DYNC1I2: variants seen among roughly 807,000 people sequenced by gnomAD.
DYNC1I2 encodes the protein dynein cytoplasmic 1 intermediate chain 2.
DYNC1I2 carries 53 observed loss-of-function variants against 88.6 expected under a neutral mutation model. That is an observed-to-expected ratio of 0.60 (90% CI 0.48 to 0.75). DYNC1I2 has a LOEUF of 0.75. Ranked by LOEUF, DYNC1I2 falls within the 30% of genes least tolerant of loss-of-function variation. The pLI, the probability that DYNC1I2 is intolerant of heterozygous loss-of-function variation, is 0.00. For synonymous variants in DYNC1I2, 198 were observed against 254.6 expected, an observed-to-expected ratio of 0.78 and a Z score of 2.12; for missense variants, 458 against 766.6, an observed-to-expected ratio of 0.60 and a Z score of 4.75.
At chr2:171,692,946 G>C (rs1685501984) in intron 3 of DYNC1I2, 52 bp downstream of exon 3, 1 of 1,296,524 alleles carries the variant, frequency 7.7e-7, no homozygotes, top group South Asian at 1.3e-5. Flanking sequence ...ATTCTGTTCA[G>C]CTCAGACATA....
Position 171,747,852 on chromosome 2 carries a change from A to T in DYNC1I2, c.1880A>T (p.Asp627Val). Residue 627 changes from aspartate (D) to valine (V), a missense_variant, in exon 18 of 18, where the codon GAT (aspartate) becomes GTT (valine). Physicochemically the swap from Asp to Val is radical, Grantham distance 152. Coordinates refer to ENST00000397119, the MANE Select transcript of DYNC1I2 (RefSeq NM_001378.3). ...GCAGAAATTAATGCAAACCGAGCTG[A>T]TGCAGAGGAGGAAGCAGCTACCCGA... ...TLAEINANRADAEEEAATRIP... is the reference protein window; with the variant it reads ...TLAEINANRAVAEEEAATRIP... 1 of 1,611,264 alleles carries T rather than the reference A, an allele frequency of 6.2e-7. No homozygotes were observed. Among genetic ancestry groups the T allele is most frequent in the Non-Finnish European group, 8.5e-7 (1 of 1,179,422 alleles).
chr2:171,732,099 T>TA (rs549041642), intron 15 of DYNC1I2, among the ~76,000 whole-genome samples: 3 of 152,328 alleles, frequency 2.0e-5, no homozygotes, highest in African/African-American at 4.8e-5. Flanking sequence ...CAGGGTGGCT[T>TA]ACGCCTGTAA....
chr2:171,720,388 A>T (rs1426277807), intron 7 of DYNC1I2, among the ~76,000 whole-genome samples: 1 of 152,140 alleles, frequency 6.6e-6, no homozygotes, highest in Non-Finnish European at 1.5e-5. Context: ...TTATTGCATG[A>T]TCTTAACATT....
chr2:171,732,392 A>G (rs574620061), intron 15 of DYNC1I2, among the ~76,000 whole-genome samples: 23 of 152,206 alleles, frequency 1.5e-4, no homozygotes, highest in Admixed American at 4.6e-4. Flanking sequence ...AATTGTATGT[A>G]TAGCTCACAT....
intron 3 of DYNC1I2, among the ~76,000 whole-genome samples, chr2:171,700,151 C>T (rs929326063): frequency 3.3e-5 from 5 of 152,000 alleles, no homozygotes; most frequent in African/African-American, 9.7e-5. Flanking sequence ...CATGGTGGTT[C>T]GTTCACATGG....
intron 2 of DYNC1I2, among the ~76,000 whole-genome samples, chr2:171,691,582 C>A (rs1685408729): frequency 6.6e-6 from 1 of 152,144 alleles, no homozygotes; most frequent in South Asian, 2.1e-4. Flanking sequence ...TTATTCTGAA[C>A]CTTTCTGTGA....
At chr2:171,728,025 T>C in intron 12 of DYNC1I2, 58 bp downstream of exon 12, 1 of 1,539,612 alleles carries the variant, frequency 6.5e-7, no homozygotes, top group Non-Finnish European at 8.8e-7. Context: ...TTAGCTATAA[T>C]ACTTAGTAGT....
Position 171,748,008 on chromosome 2 carries a change from G to A in DYNC1I2, c.*119G>A, listed in dbSNP as rs1357425787. The A allele has an allele frequency of 1.6e-6, 1 of 626,198 alleles. No individual in the cohort carries two copies. Among genetic ancestry groups the A allele is most frequent in the Non-Finnish European group, 2.7e-6 (1 of 369,436 alleles). The allele number at this position is 626,198 out of a possible 1,614,324, so 38.8% of individuals were successfully genotyped here. ...AAGGAAATTTCATGGATTAAACCATGGGTTTAATGCAGCAAGGAAACTTAC... is the reference window on the plus strand; with the variant it reads ...AAGGAAATTTCATGGATTAAACCATAGGTTTAATGCAGCAAGGAAACTTAC... On this transcript the variant is annotated 3_prime_UTR_variant, in exon 18 of 18. Coordinates refer to ENST00000397119, the MANE Select transcript of DYNC1I2 (RefSeq NM_001378.3).
At chr2:171,689,859 G>A (rs1413809193) in intron 1 of DYNC1I2, among the ~76,000 whole-genome samples, 6 of 145,532 alleles carry the variant, frequency 4.1e-5, no homozygotes, top group African/African-American at 1.0e-4. Flanking sequence ...CCACCATGCC[G>A]CCTAATTTTT....
chr2:171,702,342 A>G (rs1433538853), intron 3 of DYNC1I2, among the ~76,000 whole-genome samples: 1 of 152,206 alleles, frequency 6.6e-6, no homozygotes, highest in African/African-American at 2.4e-5. Context: ...CTTTCTGAAG[A>G]TCTCATTACC....
chr2:171,715,198 T>C, intron 6 of DYNC1I2, 130 bp from the exon 7 acceptor site: 3 of 547,488 alleles, frequency 5.5e-6, no homozygotes, highest in South Asian at 7.1e-5. Flanking sequence ...TTATTGTTAA[T>C]CTAAAATTTC....
At chr2:171,729,910 C>G (rs1688497064) in intron 15 of DYNC1I2, 57 bp downstream of exon 15, 1 of 1,579,556 alleles carries the variant, frequency 6.3e-7, no homozygotes, top group Non-Finnish European at 8.7e-7. Flanking sequence ...AGGTGGTGAT[C>G]TAATACTACA....
intron 15 of DYNC1I2, among the ~76,000 whole-genome samples, chr2:171,736,264 C>T (rs1003086671): frequency 1.3e-5 from 2 of 152,196 alleles, no homozygotes; most frequent in African/African-American, 4.8e-5. Flanking sequence ...CAATGTCCAG[C>T]CTCTCCTTTG....
intron 15 of DYNC1I2, among the ~76,000 whole-genome samples, chr2:171,738,957 T>C (rs749237901): frequency 6.6e-6 from 1 of 152,162 alleles, no homozygotes. Flanking sequence ...GAGGCCAGCC[T>C]GGCCAACATG....
chr2:171,699,542 A>G (rs1288986875), intron 3 of DYNC1I2, among the ~76,000 whole-genome samples: 15 of 151,020 alleles, frequency 9.9e-5, no homozygotes, highest in Non-Finnish European at 1.9e-4. Flanking sequence ...TGCCTTGATT[A>G]TGACTTTTTT....
At chr2:171,746,326 A>G (rs1260300506) in intron 17 of DYNC1I2, among the ~76,000 whole-genome samples, 1 of 152,208 alleles carries the variant, frequency 6.6e-6, no homozygotes, top group Non-Finnish European at 1.5e-5. Context: ...GTATCTTTTG[A>G]GAACCATCTG....
At chr2:171,732,234 G>A (rs1310094057) in intron 15 of DYNC1I2, among the ~76,000 whole-genome samples, 1 of 152,118 alleles carries the variant, frequency 6.6e-6, no homozygotes, top group Non-Finnish European at 1.5e-5. Context: ...ATGGTAGCGG[G>A]CACCTGTATT....
At position 171,745,815 on chromosome 2, in the gene DYNC1I2, G is replaced by C. The variant is rs765487214; in HGVS notation, c.1691G>C (p.Ser564Thr). ...LNNDTEVPTA[S>T]ISVEGNPALN... ...AAATGACTTTAGGTACCAACTGCCA[G>C]CATTTCTGTGGAGGGTAATCCTGCT... Residue 564 changes from serine to threonine, a missense_variant, in exon 17 of 18, where the codon AGC (serine) becomes ACC (threonine). Ser to Thr is a moderately conservative substitution (Grantham distance 58). Around this residue, in one of 5 missense-constraint regions of DYNC1I2, gnomAD observed 188 missense variants for 300.4 expected, o/e 0.63. Transcript: ENST00000397119. The C allele has an allele frequency of 3.1e-6, 5 of 1,613,314 alleles. No individual in the cohort carries two copies. The South Asian group carries it at 5.5e-5, about 18-fold the overall frequency.
intron 1 of DYNC1I2, among the ~76,000 whole-genome samples, chr2:171,689,743 G>A (rs1194028049): frequency 1.3e-5 from 2 of 151,600 alleles, no homozygotes; most frequent in Admixed American, 6.6e-5. Flanking sequence ...TTTTAGAGAC[G>A]CTCTGTTGCC....
Sources: gnomAD v4.1 joint callset for allele counts (sites outside exome capture counted in the v4.1 genomes callset) on GRCh38, gnomAD v4.1.1 for gene constraint, gnomAD v4.1.1 regional missense constraint, MANE v1.5 for transcripts, NCBI Gene and HGNC (gene_info 2026-07-23, HGNC 2026-07-21) for gene names.